IL4I1: variants seen among roughly 807,000 people sequenced by gnomAD.
The protein encoded by IL4I1 is interleukin 4 induced 1, also known as L-amino-acid oxidase.
A neutral mutation model predicts 29.7 loss-of-function variants in IL4I1; 24 were observed. The observed-to-expected ratio is 0.81, with a 90% CI of 0.59 to 1.14. IL4I1 has a LOEUF of 1.14. Among genes scored for constraint, IL4I1 ranks in the 50% most tolerant of loss-of-function variants. The pLI, the probability that IL4I1 is intolerant of heterozygous loss-of-function variation, is 0.00. For synonymous variants in IL4I1, 371 were observed against 352.5 expected, an observed-to-expected ratio of 1.05 and a Z score of -0.59; for missense variants, 686 against 785.6, an observed-to-expected ratio of 0.87 and a Z score of 1.52.
chr19:49,925,756 G>C (rs2075871745), intron 2 of IL4I1, among the ~76,000 whole-genome samples: 1 of 152,162 alleles, frequency 6.6e-6, no homozygotes, highest in Non-Finnish European at 1.5e-5. Flanking sequence ...TTGGTCAATG[G>C]TAACATACTG....
At chr19:49,929,060 A>C (rs2075990580) in intron 1 of IL4I1, 1 of 152,210 alleles carries the variant, frequency 6.6e-6, no homozygotes, top group Non-Finnish European at 1.5e-5. Flanking sequence ...AGTGGGAAGG[A>C]AAGGCTCGGA....
At chr19:49,926,833 T>A (rs1314505241) in intron 2 of IL4I1, among the ~76,000 whole-genome samples, 2 of 150,356 alleles carry the variant, frequency 1.3e-5, no homozygotes, top group African/African-American at 4.9e-5. Context: ...TTAATCCTTG[T>A]AACAGCCCTA....
chr19:49,924,213 A>AT, intron 2 of IL4I1, among the ~76,000 whole-genome samples: 1 of 152,048 alleles, frequency 6.6e-6, no homozygotes, highest in East Asian at 1.9e-4. Flanking sequence ...TGGCACTGTG[A>AT]TTTTCACAAC....
intron 6 of IL4I1, 91 bp downstream of exon 6, chr19:49,891,314 G>T: frequency 6.8e-7 from 1 of 1,472,788 alleles, no homozygotes; most frequent in Non-Finnish European, 9.5e-7. Context: ...CAGGACTAGG[G>T]TGCCAGGTAC....
intron 2 of IL4I1, chr19:49,918,580 A>G (rs1270243448): frequency 6.6e-6 from 1 of 152,116 alleles, no homozygotes; most frequent in Non-Finnish European, 1.5e-5. Flanking sequence ...TTCCTCCCTG[A>G]TGCCTTTCAA....
Position 49,902,452 on chromosome 19 carries a change from C to T in IL4I1, c.-104-631G>A, listed in dbSNP as rs370357779. 3.0e-4 allele frequency among the ~76,000 whole-genome samples: 45 copies of T among 150,168 alleles called. 3 individuals are homozygous for T. The South Asian group carries it at 7.1e-3, about 24-fold the overall frequency. On this transcript the variant is annotated intron_variant, in intron 3 of 9. Transcript: ENST00000341114. ...TCGGCTCACTGCAAGCTCCGGATGG[C>T]AGCCATTTCTTAATATCATTAAATC...
In IL4I1 at chr19:49,891,076, C is replaced by T. The variant is rs200751228; in HGVS notation, c.668G>A (p.Arg223Gln). The T allele has an allele frequency of 1.9e-6, 3 of 1,613,516 alleles. No homozygotes were observed. Among genetic ancestry groups the T allele is most frequent in the Non-Finnish European group, 1.7e-6 (2 of 1,179,916 alleles). Residue 223 changes from arginine to glutamine, a missense_variant, in exon 7 of 8, where the codon CGG (arginine) becomes CAG (glutamine). Arg to Gln is a conservative substitution (Grantham distance 43). Transcript: ENST00000391826. ...EYLLGEGNLS[R>Q]PAVQLLGDVM... The stretch of plus-strand genomic sequence containing the variant: ...GTCTCCCAGAAGCTGCACGGCCGGC[C>T]GGCTCAGGTTCCCCTCCCCGAGAAG...
chr19:49,925,279 A>T (rs1352247575), intron 2 of IL4I1, among the ~76,000 whole-genome samples: 1 of 151,984 alleles, frequency 6.6e-6, no homozygotes, highest in Non-Finnish European at 1.5e-5. Context: ...CAAAAAAATT[A>T]AAAAACAAAA....
chr19:49,899,455 G>T (rs1220391864), upstream of IL4I1, among the ~76,000 whole-genome samples: 1 of 152,092 alleles, frequency 6.6e-6, no homozygotes, highest in Non-Finnish European at 1.5e-5. Flanking sequence ...CACAATCTCG[G>T]CTCACTGCAG....
chr19:49,912,532 A>G (rs1474356324), intron 2 of IL4I1, among the ~76,000 whole-genome samples: 1 of 152,148 alleles, frequency 6.6e-6, no homozygotes, highest in Non-Finnish European at 1.5e-5. Context: ...GGATCTATTC[A>G]CAATGGTGAA....
rs147320311 is a variant in IL4I1, at chr19:49,895,116, G to C, written c.317C>G (p.Thr106Arg). 1 of 1,613,848 alleles carries C rather than the reference G, an allele frequency of 6.2e-7. No individual in the cohort carries two copies. The highest frequency in any genetic ancestry group is 8.5e-7 in the Non-Finnish European group (1 of 1,179,840). Residue 106 changes from threonine (T) to arginine (R), a missense_variant, in exon 4 of 8, where the codon ACG (threonine) becomes AGG (arginine). Physicochemically the swap from Thr to Arg is moderately conservative, Grantham distance 71. Transcript: ENST00000391826. ...GRIFTYRDQN[T>R]GWIGELGAMR... Reference sequence around the variant, plus strand: ...GGCTCCCAGCTCCCCAATCCAGCCCGTGTTCTGGTCCCGGTAGGTGAAGAT... The same window carrying C: ...GGCTCCCAGCTCCCCAATCCAGCCCCTGTTCTGGTCCCGGTAGGTGAAGAT...
intron 2 of IL4I1, chr19:49,907,956 T>G: frequency 5.4e-6 from 3 of 560,150 alleles, no homozygotes; most frequent in East Asian, 3.4e-5. Flanking sequence ...ATCACCAGGC[T>G]GAGCCAGGAT....
Position 49,902,555 on chromosome 19 carries a change from T to C in IL4I1, c.-104-734A>G, listed in dbSNP as rs112254174. Among the ~76,000 whole-genome samples, 775 of 152,098 alleles carry C rather than the reference T, an allele frequency of 5.1e-3. 7 individuals are homozygous for C. Among genetic ancestry groups the C allele is most frequent in the African/African-American group, 0.018 (740 of 41,514 alleles). On this transcript the variant is annotated intron_variant, in intron 3 of 9. Transcript: ENST00000341114. ...ACAAAAAAACAGTTTAGGCCGGGCA[T>C]GGTGGCTGACACCTGCAATCACAGT...
At chr19:49,906,464 G>C (rs2075325570) in intron 2 of IL4I1, among the ~76,000 whole-genome samples, 3 of 152,094 alleles carry the variant, frequency 2.0e-5, no homozygotes, top group African/African-American at 4.8e-5. Context: ...TGCCCATCTT[G>C]GCCTCCCAAA....
At chr19:49,925,718 C>T (rs1429033993) in intron 2 of IL4I1, among the ~76,000 whole-genome samples, 1 of 152,170 alleles carries the variant, frequency 6.6e-6, no homozygotes, top group Non-Finnish European at 1.5e-5. Context: ...AAATCAGCAT[C>T]AAGTGTGGTC....
At chr19:49,920,325 C>G (rs781705240) in intron 2 of IL4I1, among the ~76,000 whole-genome samples, 3 of 152,190 alleles carry the variant, frequency 2.0e-5, no homozygotes, top group Non-Finnish European at 2.9e-5. Flanking sequence ...TTGAGATCCG[C>G]CCACCTCGGT....
intron 2 of IL4I1, chr19:49,909,050 G>A (rs745977545): frequency 2.4e-5 from 39 of 1,613,040 alleles, no homozygotes; most frequent in Non-Finnish European, 3.1e-5. Context: ...GAAGCCCTGT[G>A]TCCCAGCAGT....
chr19:49,928,131 G>A (rs3826777), intron 1 of IL4I1: 51,833 of 152,132 alleles, frequency 0.34, 9,190 homozygotes, highest in East Asian at 0.43. Flanking sequence ...GAGGGAGACA[G>A]AAGAATGACA....
chr19:49,908,298 T>G, intron 2 of IL4I1: 1 of 1,614,046 alleles, frequency 6.2e-7, no homozygotes, highest in Non-Finnish European at 8.5e-7. Context: ...TCGCACACCT[T>G]GGTCACCTCC....
Sources: gnomAD v4.1 joint callset for allele counts (sites outside exome capture counted in the v4.1 genomes callset) on GRCh38, gnomAD v4.1.1 for gene constraint, MANE v1.5 for transcripts, NCBI Gene and HGNC (gene_info 2026-07-23, HGNC 2026-07-21) for gene names.